NASP: variants seen among roughly 807,000 people sequenced by gnomAD.
The protein encoded by NASP is NASP histone chaperone.
A neutral mutation model predicts 89.5 loss-of-function variants in NASP; 24 were observed. That is an observed-to-expected ratio of 0.27 (90% CI 0.19 to 0.38). The LOEUF (loss-of-function observed/expected upper bound fraction) is 0.38, where lower values mean the gene tolerates loss of function less well. Ranked by LOEUF, NASP falls within the 10% of genes least tolerant of loss-of-function variation. The pLI is 1.00. For missense variants in NASP, 848 were observed against 921.4 expected, an observed-to-expected ratio of 0.92 and a Z score of 1.03; for synonymous variants, 306 against 324.7, an observed-to-expected ratio of 0.94 and a Z score of 0.62.
At chr1:45,594,079 A>C (rs1444643996) in intron 2 of NASP, among the ~76,000 whole-genome samples, 1 of 151,922 alleles carries the variant, frequency 6.6e-6, no homozygotes, top group African/African-American at 2.4e-5. Flanking sequence ...TGGCTCACGC[A>C]CTTTGGGAGG....
intron 2 of NASP, among the ~76,000 whole-genome samples, chr1:45,597,018 ACCACT>A (rs756639531): frequency 2.0e-5 from 3 of 151,782 alleles, no homozygotes; most frequent in Non-Finnish European, 2.9e-5. Flanking sequence ...AAAAGAAATT[ACCACT>A]TGTTGGCTGG....
chr1:45,598,519 C>G (rs1468708837), intron 2 of NASP, among the ~76,000 whole-genome samples: 2 of 152,140 alleles, frequency 1.3e-5, no homozygotes, highest in Non-Finnish European at 2.9e-5. Flanking sequence ...TCAGTCAGTC[C>G]TACAACGTCT....
intron 5 of NASP, 128 bp from the exon 6 acceptor site, chr1:45,607,193 T>G: frequency 1.0e-6 from 1 of 961,720 alleles, no homozygotes; most frequent in Non-Finnish European, 1.5e-6. Context: ...GCAGATAATT[T>G]TTAGGCCATC....
rs774003017 is a variant in NASP at position 45,608,266 on chromosome 1, C to T, written c.1355C>T (p.Pro452Leu). The change falls in exon 6 of 15, where the codon CCT becomes CTT. Residue 452 changes from proline (P) to leucine (L), a missense_variant. Pro to Leu is a moderately conservative substitution (Grantham distance 98). Around this residue, in one of 5 missense-constraint regions of NASP, gnomAD observed 464 missense variants for 469.4 expected, o/e 0.99. Coordinates refer to ENST00000350030, the MANE Select transcript of NASP (RefSeq NM_002482.4). ...GCCCAGGGAGCTACTGAGAAATCAC[C>T]TGAAGACAAAGTTCAGATAGCTGCT... is the stretch of plus-strand genomic sequence containing the variant. Reference protein sequence around the residue: ...KVAQGATEKSPEDKVQIAANE... With the variant: ...KVAQGATEKSLEDKVQIAANE... The T allele has an allele frequency of 6.2e-7, 1 of 1,613,792 alleles. No individual in the cohort carries two copies. Among genetic ancestry groups the T allele is most frequent in the East Asian group, 2.2e-5 (1 of 44,882 alleles).
Position 45,618,298 on chromosome 1 carries a change from G to A in NASP, c.*157G>A, listed in dbSNP as rs1314044787. On this transcript the variant is annotated 3_prime_UTR_variant, in exon 15 of 15. Transcript: ENST00000350030. ...TTAATTATTGGCTGAATCTGCCTTG[G>A]AGCACTGCTGGTTTTATATATTAGC... is the stretch of plus-strand genomic sequence containing the variant. The A allele has an allele frequency of 3.3e-6, 2 of 603,302 alleles. No individual in the cohort carries two copies. The highest frequency in any genetic ancestry group is 3.8e-5 in the African/African-American group (2 of 53,264). The allele number at this position is 603,302 out of a possible 1,614,324, so 37.4% of individuals were successfully genotyped here. A position where few individuals can be genotyped will look rare whatever the true frequency, so the allele number is the denominator to read the frequency against.
In NASP at chr1:45,612,770, A is replaced by G. The variant is rs149219216; in HGVS notation, c.1427-399A>G. On this transcript the variant is annotated intron_variant, in intron 6 of 14. Transcript: ENST00000350030. ...TTTAACTTTCGTACTTTCCCAGGCT[A>G]TTAGTATTATCTAATGAGTGGCTTA... is the stretch of plus-strand genomic sequence containing the variant. 50 of 155,926 alleles carry G rather than the reference A, an allele frequency of 3.2e-4. No individual in the cohort carries two copies. In the East Asian group the frequency reaches 9.1e-3, roughly 28 times the overall value. The allele number at this position is 155,926 out of a possible 1,614,324, so 9.7% of individuals were successfully genotyped here.
At position 45,615,215 on chromosome 1, in the gene NASP, A is replaced by T. The variant is rs768216198; in HGVS notation, c.1855+14A>T. The stretch of plus-strand genomic sequence containing the variant: ...AGAACAGAATGGGTGAGTGAAGACG[A>T]GCTGCTTCATGGTGATGTTGGATCC... On this transcript the variant is annotated intron_variant, in intron 10 of 14. Transcript: ENST00000350030. The T allele has an allele frequency of 9.3e-6, 15 of 1,613,438 alleles. No homozygotes were observed. Among genetic ancestry groups the T allele is most frequent in the Middle Eastern group, 1.6e-4 (1 of 6,082 alleles).
At chr1:45,588,691 C>A in intron 1 of NASP, 1 of 432,188 alleles carries the variant, frequency 2.3e-6, no homozygotes, top group Non-Finnish European at 4.6e-6. Flanking sequence ...TGTAATCCAG[C>A]ACTTTGGGAG....
intron 4 of NASP, 48 bp downstream of exon 4, chr1:45,605,064 T>G (rs199706182): frequency 7.9e-4 from 1,117 of 1,421,402 alleles, no homozygotes; most frequent in Non-Finnish European, 1.1e-3. Flanking sequence ...TAAGATTGTT[T>G]ACTAGCTTTG....
Position 45,615,342 on chromosome 1 carries a change from G to T in NASP, c.1893G>T (p.Ser631=), listed in dbSNP as rs200142540. The part of the protein sequence containing the change: ...LNEQVKEAEG[S]SAEYKKEIEE... ...AGCAGGTGAAGGAGGCTGAAGGATC[G>T]TCTGCTGAATACAAGAAAGAAATTG... Residue 631 remains serine (S), a synonymous_variant, in exon 11 of 15, where the codon TCG becomes TCT. Transcript: ENST00000350030. The T allele has an allele frequency of 6.2e-7, 1 of 1,614,140 alleles. No individual in the cohort carries two copies. Among genetic ancestry groups the T allele is most frequent in the Non-Finnish European group, 8.5e-7 (1 of 1,180,016 alleles).
chr1:45,617,448 C>T lies in NASP; in HGVS notation c.2158-15C>T. ...ATTAAGCACATTTGTGAAGCCTTCACAATTATATCTTTAGAGGAAACCAGA... is the reference window on the plus strand; with the variant it reads ...ATTAAGCACATTTGTGAAGCCTTCATAATTATATCTTTAGAGGAAACCAGA... On this transcript the variant is annotated splice_polypyrimidine_tract_variant and intron_variant, in intron 13 of 14. Transcript: ENST00000350030. 1 of 1,608,234 alleles carries T rather than the reference C, an allele frequency of 6.2e-7. No homozygotes were observed. The highest frequency in any genetic ancestry group is 8.5e-7 in the Non-Finnish European group (1 of 1,178,472).
In NASP at chr1:45,617,531, C is replaced by T. The variant is rs138457505; in HGVS notation, c.2226C>T (p.Asn742=). Residue 742 remains asparagine, a synonymous_variant, in exon 14 of 15, where the codon AAC becomes AAT. Coordinates refer to ENST00000350030, the MANE Select transcript of NASP (RefSeq NM_002482.4). ...AKKAKQEPEV[N]GGSGDAVPSG... is the part of the protein sequence containing the mutation. ...AAGCCAAACAAGAGCCGGAGGTGAA[C>T]GGAGGCAGTGGGGATGCTGTCCCCA... 6.8e-6 allele frequency: 11 copies of T among 1,610,948 alleles called. No individual in the cohort carries two copies. The highest frequency in any genetic ancestry group is 9.3e-6 in the Non-Finnish European group (11 of 1,179,014).
rs780999007 is a variant in NASP at position 45,608,238 on chromosome 1, G to A, written c.1327G>A (p.Val443Ile). 2.5e-6 allele frequency: 4 copies of A among 1,614,142 alleles called. No homozygotes were observed. Among genetic ancestry groups the A allele is most frequent in the Non-Finnish European group, 1.7e-6 (2 of 1,180,006 alleles). The change falls in exon 6 of 15, where the codon GTA becomes ATA. Residue 443 changes from valine to isoleucine, a missense_variant. Val to Ile is a conservative substitution (Grantham distance 29, BLOSUM62 3). This residue lies in a region of NASP where 464 missense variants were observed against 469.4 expected (regional missense o/e 0.99). Coordinates refer to ENST00000350030, the MANE Select transcript of NASP (RefSeq NM_002482.4). ...AGCTGGAGATGGGGTTGATACCAAG[G>A]TAGCCCAGGGAGCTACTGAGAAATC... ...EAAGDGVDTKVAQGATEKSPE... is the reference protein window; with the variant it reads ...EAAGDGVDTKIAQGATEKSPE...
At chr1:45,608,468 A>AG (rs1336516997) in intron 6 of NASP, 131 bp downstream of exon 6, 13 of 910,416 alleles carry the variant, frequency 1.4e-5, no homozygotes, top group Admixed American at 5.1e-5. Flanking sequence ...CTAAATGAAA[A>AG]GGGGGGTAGT....
At chr1:45,617,977 C>T in intron 14 of NASP, 84 bp from the exon 15 acceptor site, 1 of 1,235,956 alleles carries the variant, frequency 8.1e-7, no homozygotes, top group South Asian at 1.3e-5. Flanking sequence ...CTTGTATATG[C>T]TTCCTATGAC....
chr1:45,615,438 G>C lies in NASP; in HGVS notation c.1989G>C (p.Gly663=). 18 of 1,613,862 alleles carry C rather than the reference G, an allele frequency of 1.1e-5. No homozygotes were observed. Among genetic ancestry groups the C allele is most frequent in the Non-Finnish European group, 1.5e-5 (18 of 1,179,964 alleles). ...ATGCAAAGGAGTCTCAGCGTAGTGGGAATGTAGCTGAACTGGCTCTGAAAG... is the reference window on the plus strand; with the variant it reads ...ATGCAAAGGAGTCTCAGCGTAGTGGCAATGTAGCTGAACTGGCTCTGAAAG... The part of the protein sequence containing the change: ...IEDAKESQRS[G]NVAELALKAT... The change falls in exon 11 of 15, where the codon GGG becomes GGC. Residue 663 remains glycine, a synonymous_variant. Coordinates refer to ENST00000350030, the MANE Select transcript of NASP (RefSeq NM_002482.4).
chr1:45,600,945 G>A (rs1384223881), intron 2 of NASP, among the ~76,000 whole-genome samples: 1 of 152,060 alleles, frequency 6.6e-6, no homozygotes, highest in African/African-American at 2.4e-5. Flanking sequence ...AATAATGTTG[G>A]CATCTTTTCA....
chr1:45,601,973 C>G (rs1478551551), intron 2 of NASP, among the ~76,000 whole-genome samples: 1 of 151,774 alleles, frequency 6.6e-6, no homozygotes, highest in African/African-American at 2.4e-5. Context: ...AGGATGGTCT[C>G]GATCTCCTGA....
Position 45,597,713 on chromosome 1 carries a change from G to A in NASP, c.108-4542G>A, listed in dbSNP as rs114369630. 6.3e-3 allele frequency among the ~76,000 whole-genome samples: 959 copies of A among 152,214 alleles called. 9 individuals are homozygous for A. Among genetic ancestry groups the A allele is most frequent in the African/African-American group, 0.022 (925 of 41,530 alleles). On this transcript the variant is annotated intron_variant, in intron 2 of 14. Transcript: ENST00000350030. ...AGGCTTTTTGGGGGGCTTCAGTAAC[G>A]TAACAGTGTAAAGGATCCTGACATC...
Sources: gnomAD v4.1 joint callset for allele counts (sites outside exome capture counted in the v4.1 genomes callset) on GRCh38, gnomAD v4.1.1 for gene constraint, gnomAD v4.1.1 regional missense constraint, MANE v1.5 for transcripts, NCBI Gene and HGNC (gene_info 2026-07-23, HGNC 2026-07-21) for gene names.